The following PTPRG variants were observed in gnomAD, a reference collection of about 807,000 sequenced individuals.
PTPRG encodes the protein receptor-type tyrosine-protein phosphatase gamma.
A neutral mutation model predicts 165.3 loss-of-function variants in PTPRG; 102 were observed. That is an observed-to-expected ratio of 0.62 (90% confidence interval 0.53 to 0.73). The LOEUF is 0.73. PTPRG is among the 30% of genes least tolerant of loss of function. The pLI is 0.00. For missense variants in PTPRG, 1,866 were observed against 1,861.4 expected, an observed-to-expected ratio of 1.00 and a Z score of -0.05; for synonymous variants, 675 against 669.5, an observed-to-expected ratio of 1.01 and a Z score of -0.13.
At chr3:61,946,821 T>G (rs1043730570) in intron 2 of PTPRG, among the ~76,000 whole-genome samples, 6 of 152,280 alleles carry the variant, frequency 3.9e-5, no homozygotes, top group Non-Finnish European at 5.9e-5. Flanking sequence ...GAGCATGAGC[T>G]TGTTCTTATG....
intron 6 of PTPRG, among the ~76,000 whole-genome samples, chr3:62,141,035 TAAA>T: frequency 6.6e-6 from 1 of 152,226 alleles, no homozygotes; most frequent in African/African-American, 2.4e-5. Context: ...GTTTGAAAAT[TAAA>T]GAATAGCTCA....
chr3:61,723,028 A>C (rs1001016810), intron 1 of PTPRG, among the ~76,000 whole-genome samples: 3 of 150,806 alleles, frequency 2.0e-5, no homozygotes, highest in African/African-American at 4.9e-5. Flanking sequence ...TTGTGACCCA[A>C]CCCTAGGTTA....
At chr3:61,599,745 TGG>T (rs1408741289) in intron 1 of PTPRG, among the ~76,000 whole-genome samples, 7 of 152,040 alleles carry the variant, frequency 4.6e-5, no homozygotes, top group Non-Finnish European at 1.0e-4. Context: ...CTGCACGCCT[TGG>T]CCTCCCAAAG....
chr3:61,616,241 C>A (rs1701293733), intron 1 of PTPRG, among the ~76,000 whole-genome samples: 1 of 152,164 alleles, frequency 6.6e-6, no homozygotes, highest in African/African-American at 2.4e-5. Context: ...CGCGAGCCAC[C>A]ATGCCCGGCT....
At chr3:61,976,207 C>A (rs1199463350) in intron 2 of PTPRG, among the ~76,000 whole-genome samples, 1 of 152,166 alleles carries the variant, frequency 6.6e-6, no homozygotes, top group African/African-American at 2.4e-5. Flanking sequence ...TTGAAAAACC[C>A]TTCCCTGGGA....
At chr3:62,017,484 T>C (rs112779654) in intron 4 of PTPRG, among the ~76,000 whole-genome samples, 3,538 of 151,968 alleles carry the variant, frequency 0.023, 58 homozygotes, top group South Asian at 0.062. Flanking sequence ...GGCGCTGTCT[T>C]GGCTCACTGC....
chr3:61,840,137 G>A lies in PTPRG; in HGVS notation c.190+91155G>A, dbSNP rs1006592020. On this transcript the variant is annotated intron_variant, in intron 2 of 29. Transcript: ENST00000474889. ...ATTATATCATAAACATTTCCTGGTAGTATTAGGGTCTAGGCACTTGTAATG... is the reference window on the plus strand; with the variant it reads ...ATTATATCATAAACATTTCCTGGTAATATTAGGGTCTAGGCACTTGTAATG... Among the ~76,000 whole-genome samples, 122 of 152,202 alleles carry A rather than the reference G, an allele frequency of 8.0e-4. 2 individuals are homozygous for A. Among genetic ancestry groups the A allele is most frequent in the Non-Finnish European group, 2.6e-4 (18 of 67,994 alleles).
At chr3:61,719,897 C>A (rs1264534349) in intron 1 of PTPRG, among the ~76,000 whole-genome samples, 1 of 152,264 alleles carries the variant, frequency 6.6e-6, no homozygotes, top group East Asian at 1.9e-4. Context: ...ACCCAACTTG[C>A]TCTTGACTGC....
intron 28 of PTPRG, among the ~76,000 whole-genome samples, chr3:62,286,655 A>C (rs1325662332): frequency 6.6e-6 from 1 of 152,128 alleles, no homozygotes; most frequent in Non-Finnish European, 1.5e-5. Flanking sequence ...AAGATGAAAA[A>C]AATAGGGTTT....
intron 1 of PTPRG, among the ~76,000 whole-genome samples, chr3:61,698,813 T>A (rs1199200960): frequency 2.6e-5 from 4 of 152,308 alleles, no homozygotes; most frequent in South Asian, 2.1e-4. Flanking sequence ...ATGTGGCACA[T>A]ATACACCATG....
At chr3:62,099,862 G>A (rs1230789991) in intron 5 of PTPRG, among the ~76,000 whole-genome samples, 6 of 143,966 alleles carry the variant, frequency 4.2e-5, no homozygotes, top group Non-Finnish European at 6.0e-5. Context: ...GCAGTGGCGC[G>A]ATCTTGGCTC....
intron 2 of PTPRG, among the ~76,000 whole-genome samples, chr3:61,766,026 A>G (rs919932893): frequency 6.6e-6 from 1 of 152,174 alleles, no homozygotes; most frequent in Non-Finnish European, 1.5e-5. Flanking sequence ...AAGGCCACTG[A>G]CGTTGTAGGT....
chr3:61,575,133 T>C (rs373646775), intron 1 of PTPRG, among the ~76,000 whole-genome samples: 4 of 152,236 alleles, frequency 2.6e-5, no homozygotes, highest in African/African-American at 9.6e-5. Flanking sequence ...ATGTGGTTTT[T>C]AGAAGAACAC....
intron 6 of PTPRG, among the ~76,000 whole-genome samples, chr3:62,140,898 A>C (rs1298059746): frequency 6.7e-6 from 1 of 149,342 alleles, no homozygotes; most frequent in African/African-American, 2.5e-5. Context: ...GAATATATTG[A>C]GTGAAAAGGA....
chr3:61,690,581 G>A (rs2030135384), intron 1 of PTPRG, among the ~76,000 whole-genome samples: 1 of 152,180 alleles, frequency 6.6e-6, no homozygotes, highest in South Asian at 2.1e-4. Flanking sequence ...CACTCATTGT[G>A]TTTTTGCTCT....
At chr3:61,738,258 T>TTA (rs1206672812) in intron 1 of PTPRG, among the ~76,000 whole-genome samples, 190 of 8,612 alleles carry the variant, frequency 0.022, 2 homozygotes, top group Non-Finnish European at 0.04. Context: ...TTGTCCATTT[T>TTA]TATATATATA....
At chr3:61,934,874 T>A (rs1176150269) in intron 2 of PTPRG, among the ~76,000 whole-genome samples, 2 of 152,194 alleles carry the variant, frequency 1.3e-5, no homozygotes, top group Admixed American at 1.3e-4. Flanking sequence ...CTGTTGTGTA[T>A]CATGCCCCTG....
rs1326561995 is a variant in PTPRG, at chr3:62,195,227, T to C, written c.1327+57T>C. Reference sequence around the variant, plus strand: ...TGCCCCTGAGACTCCCTCCCAATGCTTTCTGCTTCTTCCTGCTCAGGTGCT... The same window carrying C: ...TGCCCCTGAGACTCCCTCCCAATGCCTTCTGCTTCTTCCTGCTCAGGTGCT... On this transcript the variant is annotated intron_variant, in intron 10 of 29. Transcript: ENST00000474889. This position sits in a 1 kb window ranked among gnomAD's most constrained non-coding sequence, Gnocchi z 4.4. The C allele has an allele frequency of 7.0e-5, 100 of 1,426,540 alleles. No homozygotes were observed. Among genetic ancestry groups the C allele is most frequent in the Non-Finnish European group, 9.5e-5 (96 of 1,009,968 alleles). 88.4% of individuals were successfully genotyped at this position (1,426,540 alleles called of 1,614,324 possible). A position where few individuals can be genotyped will look rare whatever the true frequency, so the allele number is the denominator to read the frequency against.
chr3:62,029,774 C>T (rs1699702775), intron 4 of PTPRG, among the ~76,000 whole-genome samples: 1 of 152,174 alleles, frequency 6.6e-6, no homozygotes, highest in South Asian at 2.1e-4. Flanking sequence ...GGTCTTCCTC[C>T]ATAAGACCTT....
Sources: allele counts gnomAD v4.1 joint callset (sites outside exome capture counted in the v4.1 genomes callset), GRCh38; gene constraint gnomAD v4.1.1; non-coding constraint Gnocchi (gnomAD v3.1); transcripts MANE v1.5; gene names NCBI Gene and HGNC (gene_info 2026-07-23, HGNC 2026-07-21).